The following UNC79 variants were observed in gnomAD, a reference collection of about 807,000 sequenced individuals.
UNC79 encodes the protein unc-79 subunit of NALCN channel complex, also known as protein unc-79 homolog.
In UNC79, 37 loss-of-function variants were observed where a neutral mutation model predicts 283.1. The observed-to-expected ratio is 0.13, with a 90% CI of 0.10 to 0.17. The LOEUF is 0.17. Among genes scored for constraint, UNC79 ranks in the 10% least tolerant of loss-of-function variants. The pLI is 1.00. For missense variants in UNC79, 2,272 were observed against 3,211.1 expected (o/e 0.71, Z 7.07); for synonymous variants, 1,107 against 1,200.2 (o/e 0.92, Z 1.61).
chr14:93,570,209 A>G (rs1051538368), intron 14 of UNC79, among the ~76,000 whole-genome samples: 3 of 152,174 alleles, frequency 2.0e-5, no homozygotes, highest in Non-Finnish European at 4.4e-5. Flanking sequence ...TCAGCCTAGA[A>G]CAGTTATTTT....
intron 11 of UNC79, among the ~76,000 whole-genome samples, chr14:93,533,344 G>A (rs1389696704): frequency 2.0e-5 from 3 of 152,162 alleles, no homozygotes; most frequent in Admixed American, 6.5e-5. Flanking sequence ...AAAACATAGT[G>A]TCTCATATGG....
chr14:93,450,019 C>G (rs773195560), intron 1 of UNC79, among the ~76,000 whole-genome samples: 1 of 152,180 alleles, frequency 6.6e-6, no homozygotes, highest in Non-Finnish European at 1.5e-5. Flanking sequence ...GGGACACAAT[C>G]TAAATTCAAC....
At chr14:93,433,444 G>T (rs2055956118) in intron 1 of UNC79, among the ~76,000 whole-genome samples, 1 of 152,172 alleles carries the variant, frequency 6.6e-6, no homozygotes, top group South Asian at 2.1e-4. Flanking sequence ...GTTCATGAAG[G>T]ACAAATACTT....
intron 1 of UNC79, among the ~76,000 whole-genome samples, chr14:93,353,033 G>A (rs1054249395): frequency 5.3e-5 from 8 of 152,090 alleles, no homozygotes; most frequent in Admixed American, 2.0e-4. Context: ...CATCTCTAAT[G>A]TCATATGTGA....
chr14:93,578,614 G>A (rs139127213), intron 18 of UNC79, among the ~76,000 whole-genome samples: 15 of 152,170 alleles, frequency 9.9e-5, no homozygotes, highest in African/African-American at 2.9e-4. Context: ...ATGTGTATGC[G>A]TTAATTTTTA....
intron 14 of UNC79, among the ~76,000 whole-genome samples, chr14:93,571,518 G>A (rs950778350): frequency 2.0e-5 from 3 of 152,200 alleles, no homozygotes; most frequent in Non-Finnish European, 4.4e-5. Flanking sequence ...TGAAGCACAG[G>A]TATAACGTGC....
At chr14:93,655,620 A>G (rs2070834323) in intron 38 of UNC79, among the ~76,000 whole-genome samples, 1 of 151,152 alleles carries the variant, frequency 6.6e-6, no homozygotes, top group African/African-American at 2.4e-5. Context: ...ACTGACTATG[A>G]ATATGCATGT....
At chr14:93,650,880 C>G (rs1162600308) in intron 35 of UNC79, among the ~76,000 whole-genome samples, 1 of 152,078 alleles carries the variant, frequency 6.6e-6, no homozygotes, top group Non-Finnish European at 1.5e-5. Flanking sequence ...TGCAGATATT[C>G]TCTAATGTTT....
chr14:93,677,633 G>C (rs997185693), intron 41 of UNC79, among the ~76,000 whole-genome samples: 1 of 152,060 alleles, frequency 6.6e-6, no homozygotes. Context: ...GAGGAGAAAC[G>C]TTGTTTCTCT....
chr14:93,619,533 C>G, intron 29 of UNC79, among the ~76,000 whole-genome samples: 1 of 152,286 alleles, frequency 6.6e-6, no homozygotes, highest in East Asian at 1.9e-4. Flanking sequence ...TATTGTGTTG[C>G]GTTTCCCCAG....
Position 93,347,164 on chromosome 14 carries a change from G to C in UNC79, c.-351+13641G>C, listed in dbSNP as rs1208889692. 13 of 1,374,274 alleles carry C rather than the reference G, an allele frequency of 9.5e-6. No individual in the cohort carries two copies. The East Asian group carries it at 3.4e-4, about 36-fold the overall frequency. The allele number at this position is 1,374,274 out of a possible 1,614,324, so 85.1% of individuals were successfully genotyped here. On this transcript the variant is annotated intron_variant, in intron 1 of 49. Coordinates refer to the UNC79 transcript ENST00000256339. ...GAGGGCAGAGCGCCCCCTCGTGGCT[G>C]GGGCGCCTGCGCAAACCAGCTGCCT...
intron 1 of UNC79, among the ~76,000 whole-genome samples, chr14:93,422,619 T>G (rs2055624578): frequency 6.6e-6 from 1 of 152,172 alleles, no homozygotes; most frequent in African/African-American, 2.4e-5. Context: ...TAGAATTGTA[T>G]TTTTAGTTTA....
At chr14:93,433,911 A>T (rs190992953) in intron 1 of UNC79, among the ~76,000 whole-genome samples, 1 of 152,298 alleles carries the variant, frequency 6.6e-6, no homozygotes. Flanking sequence ...GATAAGTAAT[A>T]GTGATGAAGG....
intron 1 of UNC79, among the ~76,000 whole-genome samples, chr14:93,432,954 A>G (rs943092207): frequency 1.3e-5 from 2 of 152,200 alleles, no homozygotes; most frequent in Admixed American, 6.5e-5. Context: ...TTCCTGGGCA[A>G]TGAATAAAAT....
chr14:93,495,831 T>C (rs1025939497), intron 5 of UNC79, among the ~76,000 whole-genome samples: 3 of 152,228 alleles, frequency 2.0e-5, no homozygotes, highest in African/African-American at 4.8e-5. Context: ...CAAGTGAAGA[T>C]AGGCAAATCA....
Position 93,630,707 on chromosome 14 carries a change from G to C in UNC79, c.5609-94G>C, listed in dbSNP as rs2067959504. On this transcript the variant is annotated intron_variant, in intron 30 of 48. Coordinates refer to ENST00000555664, the Ensembl canonical transcript of UNC79. ...CAGGAAAGTGTATAAAGAGTTGAAT[G>C]GTTGTAGTAGACAAGAGGTAAAAGA... The C allele has an allele frequency of 3.3e-6, 3 of 896,258 alleles. 1 individual carries two copies. The highest frequency in any genetic ancestry group is 3.0e-5 in the South Asian group (2 of 66,748). 55.5% of individuals were successfully genotyped at this position (896,258 alleles called of 1,614,324 possible).
At chr14:93,638,885 A>G (rs1384364613) in intron 32 of UNC79, among the ~76,000 whole-genome samples, 2 of 152,208 alleles carry the variant, frequency 1.3e-5, no homozygotes, top group East Asian at 3.9e-4. Flanking sequence ...CTTCAGTAGC[A>G]ATATTTAGCG....
chr14:93,624,712 A>G (rs151292361), intron 30 of UNC79, among the ~76,000 whole-genome samples: 202 of 152,330 alleles, frequency 1.3e-3, no homozygotes, highest in African/African-American at 4.7e-3. Flanking sequence ...GTATGTCTCC[A>G]TAAGGCTTTG....
At chr14:93,662,621 T>G (rs776224814) in exon 40 of UNC79, 1 of 1,607,808 alleles carries the variant, frequency 6.2e-7, no homozygotes, top group African/African-American at 1.3e-5. Context: ...TGGAACCATT[T>G]TCAAAACTGC....
Sources: allele counts gnomAD v4.1 joint callset (sites outside exome capture counted in the v4.1 genomes callset), GRCh38; gene constraint gnomAD v4.1.1; transcripts MANE v1.5; gene names NCBI Gene and HGNC (gene_info 2026-07-23, HGNC 2026-07-21).